PAK3: variants seen among roughly 807,000 people sequenced by gnomAD.
The protein encoded by PAK3 is p21 (RAC1) activated kinase 3.
A neutral mutation model predicts 41.0 loss-of-function variants in PAK3; 4 were observed. The observed-to-expected ratio is 0.10, with a 90% CI of 0.05 to 0.22. The LOEUF (loss-of-function observed/expected upper bound fraction) is 0.22. PAK3 is among the 10% of genes least tolerant of loss of function. PAK3 has a pLI of 1.00. For missense variants in PAK3, 205 were observed against 409.9 expected (o/e 0.50, Z 4.32); for synonymous variants, 146 against 139.6 (o/e 1.05, Z -0.32).
intron 1 of PAK3, among the ~76,000 whole-genome samples, chrX:111,052,110 C>T (rs1030116431): frequency 1.8e-5 from 2 of 112,267 alleles, no homozygotes; most frequent in Non-Finnish European, 3.8e-5. Context: ...GAGCCTAGCT[C>T]CTCATGCTGC....
At chrX:111,046,893 G>A (rs1197933078) in intron 1 of PAK3, among the ~76,000 whole-genome samples, 1 of 111,571 alleles carries the variant, frequency 9.0e-6, no homozygotes, top group Non-Finnish European at 1.9e-5. Flanking sequence ...GGCTAATGCT[G>A]CAAGTCCCGT....
chrX:111,085,867 G>C (rs2092877432), intron 1 of PAK3, among the ~76,000 whole-genome samples: 1 of 112,215 alleles, frequency 8.9e-6, no homozygotes, highest in African/African-American at 3.2e-5. Flanking sequence ...CTCCTTTCTA[G>C]ATACAGGAAG....
chrX:111,101,326 G>C (rs914408047), intron 3 of PAK3, among the ~76,000 whole-genome samples: 1 of 111,957 alleles, frequency 8.9e-6, no homozygotes, highest in Admixed American at 9.4e-5. Flanking sequence ...GGTGAGAGGA[G>C]TGTGGCTACC....
intron 1 of PAK3, among the ~76,000 whole-genome samples, chrX:111,067,709 G>A (rs760355650): frequency 6.0e-4 from 67 of 111,480 alleles, no homozygotes; most frequent in Non-Finnish European, 9.6e-4. Flanking sequence ...TAAACTATGC[G>A]TACATTCCTG....
chrX:111,167,868 TATA>T (rs1205658521), intron 10 of PAK3, among the ~76,000 whole-genome samples: 2 of 110,071 alleles, frequency 1.8e-5, no homozygotes, highest in African/African-American at 6.6e-5. Flanking sequence ...TAACTTAAAG[TATA>T]ATAAAAAAGG....
chrX:111,174,826 CTGA>C (rs2094387897), intron 11 of PAK3, among the ~76,000 whole-genome samples: 1 of 111,702 alleles, frequency 9.0e-6, no homozygotes, highest in Non-Finnish European at 1.9e-5. Context: ...ACAGTTTACA[CTGA>C]TAAGTGCTTG....
intron 2 of PAK3, 49 bp from the exon 3 acceptor site, chrX:111,097,526 C>A (rs969826106): frequency 9.1e-6 from 1 of 109,755 alleles, no homozygotes; most frequent in African/African-American, 3.3e-5. Flanking sequence ...CGGCTTTCAG[C>A]AGGGAAGCCT....
chrX:111,008,035 A>C (rs1381985505), intron 1 of PAK3, among the ~76,000 whole-genome samples: 1 of 112,177 alleles, frequency 8.9e-6, no homozygotes, highest in Non-Finnish European at 1.9e-5. Context: ...GACTTCATAG[A>C]GTTGTGAGTA....
intron 1 of PAK3, among the ~76,000 whole-genome samples, chrX:111,018,296 CAT>C (rs1279994961): frequency 9.0e-6 from 1 of 111,203 alleles, no homozygotes; most frequent in Non-Finnish European, 1.9e-5. Context: ...GAAAAAGTAA[CAT>C]TATCTCTCTT....
intron 6 of PAK3, chrX:111,144,846 C>A (rs1239370018): frequency 3.7e-6 from 4 of 1,080,597 alleles, no homozygotes; most frequent in Non-Finnish European, 5.0e-6. Flanking sequence ...CCATTTTTGT[C>A]CCAAATACTT....
At chrX:111,057,588 A>G (rs2092615476) in intron 1 of PAK3, among the ~76,000 whole-genome samples, 1 of 112,056 alleles carries the variant, frequency 8.9e-6, no homozygotes, top group Non-Finnish European at 1.9e-5. Context: ...GTTAACATTC[A>G]AATTTCCTCA....
chrX:111,069,571 C>T (rs923125724), intron 1 of PAK3, among the ~76,000 whole-genome samples: 4 of 110,062 alleles, frequency 3.6e-5, no homozygotes, highest in African/African-American at 1.3e-4. Flanking sequence ...TAGATGAATG[C>T]TTCATCTCCC....
At chrX:110,997,146 G>A (rs1343175612) in intron 1 of PAK3, among the ~76,000 whole-genome samples, 3 of 111,140 alleles carry the variant, frequency 2.7e-5, no homozygotes, top group Non-Finnish European at 3.8e-5. Flanking sequence ...TATGGCTGGA[G>A]GTTTGAAGAC....
chrX:110,999,322 C>T (rs965389410), intron 1 of PAK3, among the ~76,000 whole-genome samples: 1 of 111,866 alleles, frequency 8.9e-6, no homozygotes, highest in Admixed American at 9.5e-5. Context: ...GCACCCGGCT[C>T]ATCTCAGTTG....
chrX:110,981,958 A>G (rs2091454894), intron 1 of PAK3, among the ~76,000 whole-genome samples: 1 of 111,533 alleles, frequency 9.0e-6, no homozygotes, highest in Admixed American at 9.5e-5. Flanking sequence ...GTTGGGGATG[A>G]TTCTGAAGTT....
At chrX:111,143,606 T>G (rs1318345677) in intron 6 of PAK3, among the ~76,000 whole-genome samples, 1 of 111,119 alleles carries the variant, frequency 9.0e-6, no homozygotes, top group Non-Finnish European at 1.9e-5. Flanking sequence ...ACTTAGATAC[T>G]CCAACCTTGC....
At chrX:111,032,939 G>A (rs1422455315) in intron 1 of PAK3, among the ~76,000 whole-genome samples, 3 of 111,127 alleles carry the variant, frequency 2.7e-5, no homozygotes, top group African/African-American at 6.5e-5. Flanking sequence ...TTACTAACCC[G>A]CAGGAAGGTA....
intron 1 of PAK3, among the ~76,000 whole-genome samples, chrX:111,084,167 G>A (rs767706607): frequency 8.9e-6 from 1 of 112,341 alleles, no homozygotes; most frequent in African/African-American, 3.2e-5. Context: ...ATTCAAATGT[G>A]TTCATGGAAT....
chrX:111,184,404 T>C lies in PAK3; in HGVS notation c.831-7723T>C, dbSNP rs756428832. On this transcript the variant is annotated intron_variant, in intron 11 of 17. Transcript: ENST00000372007. ...TATAGTGCTGCGTGACACTGACTTT[T>C]TTTTTTTTAATTATACTTTAAGTTC... is the stretch of plus-strand genomic sequence containing the variant. 3.6e-5 allele frequency among the ~76,000 whole-genome samples: 4 copies of C among 110,593 alleles called. No homozygotes were observed. The East Asian group carries it at 1.1e-3, about 32-fold the overall frequency.
Sources: gnomAD v4.1 joint callset for allele counts (sites outside exome capture counted in the v4.1 genomes callset) on GRCh38, gnomAD v4.1.1 for gene constraint, MANE v1.5 for transcripts, NCBI Gene and HGNC (gene_info 2026-07-23, HGNC 2026-07-21) for gene names.